The following PTPRD variants were observed in gnomAD, a reference collection of about 807,000 sequenced individuals.
The protein encoded by PTPRD is protein tyrosine phosphatase receptor type D.
Under a neutral mutation model 214.5 loss-of-function variants are expected in PTPRD, and 34 were observed. That is an observed-to-expected ratio of 0.16 (90% CI 0.12 to 0.21). PTPRD has a LOEUF of 0.21. PTPRD is among the 10% of genes least tolerant of loss of function. PTPRD has a pLI of 1.00. For synonymous variants in PTPRD, 1,128 were observed against 845.7 expected (o/e 1.33, Z -5.79); for missense variants, 2,545 against 2,398.7 (o/e 1.06, Z -1.27).
At chr9:8,631,214 C>T (rs1184308551) in intron 14 of PTPRD, among the ~76,000 whole-genome samples, 1 of 151,928 alleles carries the variant, frequency 6.6e-6, no homozygotes. Flanking sequence ...AAGATTCCTG[C>T]CAGTTCTAAA....
In PTPRD at chr9:8,527,235, T is replaced by A. The variant is rs1371975882; in HGVS notation, c.550+110A>T. On this transcript the variant is annotated intron_variant, in intron 16 of 45. Transcript: ENST00000381196. ...GGAGCCACTACAGAGATCTGGTGTC[T>A]ACACTGACAGTTAGTAAAATGCATG... The A allele has an allele frequency of 2.5e-6, 3 of 1,180,482 alleles. No homozygotes were observed. In the East Asian group the frequency reaches 7.5e-5, roughly 29 times the overall value. 73.1% of individuals were successfully genotyped at this position (1,180,482 alleles called of 1,614,324 possible).
chr9:9,862,156 A>G (rs1383312526), intron 5 of PTPRD, among the ~76,000 whole-genome samples: 1 of 152,126 alleles, frequency 6.6e-6, no homozygotes, highest in South Asian at 2.1e-4. Context: ...TTATTCCCAC[A>G]AGCAGTATTA....
intron 11 of PTPRD, among the ~76,000 whole-genome samples, chr9:8,772,979 A>G (rs938686282): frequency 8.6e-5 from 13 of 151,988 alleles, no homozygotes; most frequent in African/African-American, 3.1e-4. Context: ...CCTAAAGTCA[A>G]TTTTTCCCCA....
chr9:8,581,888 G>C (rs1283214696), intron 14 of PTPRD, among the ~76,000 whole-genome samples: 1 of 107,286 alleles, frequency 9.3e-6, no homozygotes, highest in Non-Finnish European at 1.7e-5. Flanking sequence ...ACTCCAGCCT[G>C]GATGACAGAG....
chr9:10,542,723 T>G (rs996071961), intron 2 of PTPRD, among the ~76,000 whole-genome samples: 2 of 152,032 alleles, frequency 1.3e-5, no homozygotes, highest in African/African-American at 4.8e-5. Flanking sequence ...TTAACTAATT[T>G]ATTTATTTTT....
chr9:9,446,523 C>T (rs1031598179), intron 8 of PTPRD, among the ~76,000 whole-genome samples: 4 of 152,152 alleles, frequency 2.6e-5, no homozygotes, highest in African/African-American at 7.2e-5. Context: ...TTCCACACAA[C>T]TGGAACTCTA....
chr9:10,550,792 G>T (rs1253558028), intron 2 of PTPRD, among the ~76,000 whole-genome samples: 1 of 152,172 alleles, frequency 6.6e-6, no homozygotes, highest in African/African-American at 2.4e-5. Context: ...TCTGAAATTG[G>T]TTGGGCAAAA....
intron 7 of PTPRD, among the ~76,000 whole-genome samples, chr9:9,673,791 C>A (rs1043246213): frequency 6.7e-6 from 1 of 150,246 alleles, no homozygotes; most frequent in East Asian, 1.9e-4. Context: ...CCAAAAAGAT[C>A]AGGAAAGACA....
chr9:10,327,687 T>G (rs553512543), intron 3 of PTPRD, among the ~76,000 whole-genome samples: 1 of 151,658 alleles, frequency 6.6e-6, no homozygotes, highest in Admixed American at 6.6e-5. Context: ...TTACAAGAAG[T>G]GCTATTTGAA....
In PTPRD at chr9:10,338,406, T is replaced by C. The variant is rs191797315; in HGVS notation, c.-545+2557A>G. Among the ~76,000 whole-genome samples, 5 of 151,834 alleles carry C rather than the reference T, an allele frequency of 3.3e-5. No homozygotes were observed. The East Asian group carries it at 7.8e-4, about 24-fold the overall frequency. On this transcript the variant is annotated intron_variant, in intron 3 of 45. Transcript: ENST00000381196. ...GATAGTCCTTCCACACGCAGACAAA[T>C]GAAACTGACAAAAGACCTGTCAGTT...
intron 5 of PTPRD, among the ~76,000 whole-genome samples, chr9:9,892,948 G>A (rs950488055): frequency 3.9e-5 from 6 of 152,042 alleles, no homozygotes; most frequent in African/African-American, 1.4e-4. Flanking sequence ...CGTATGTTGG[G>A]AAAATTTGTA....
At chr9:10,199,772 T>C (rs2099412190) in intron 3 of PTPRD, among the ~76,000 whole-genome samples, 2 of 151,986 alleles carry the variant, frequency 1.3e-5, no homozygotes, top group Admixed American at 1.3e-4. Flanking sequence ...CCAGATCATT[T>C]TGCACATTGG....
chr9:10,229,709 G>T (rs2099601940), intron 3 of PTPRD, among the ~76,000 whole-genome samples: 4 of 151,144 alleles, frequency 2.6e-5, no homozygotes, highest in Admixed American at 1.3e-4. Flanking sequence ...TTGTGGGGTG[G>T]GGGGAGGTGG....
intron 2 of PTPRD, among the ~76,000 whole-genome samples, chr9:10,586,260 G>T (rs975438465): frequency 6.6e-6 from 1 of 151,976 alleles, no homozygotes; most frequent in Non-Finnish European, 1.5e-5. Context: ...TAAATGGCAT[G>T]AACTGTGAGG....
At chr9:10,141,319 T>C (rs1351794405) in intron 3 of PTPRD, among the ~76,000 whole-genome samples, 1 of 152,128 alleles carries the variant, frequency 6.6e-6, no homozygotes, top group East Asian at 1.9e-4. Context: ...TTGTCCCTTT[T>C]TGCAGACGAC....
At chr9:8,463,753 T>G (rs1279479846) in intron 32 of PTPRD, among the ~76,000 whole-genome samples, 1 of 151,928 alleles carries the variant, frequency 6.6e-6, no homozygotes, top group Non-Finnish European at 1.5e-5. Flanking sequence ...GACAAAGGAT[T>G]AGGGGATAGC....
At chr9:8,889,247 A>C (rs970271559) in intron 11 of PTPRD, among the ~76,000 whole-genome samples, 1 of 152,104 alleles carries the variant, frequency 6.6e-6, no homozygotes, top group Non-Finnish European at 1.5e-5. Flanking sequence ...GAGATGGTAG[A>C]ATGAGAGTGA....
At chr9:10,224,919 C>T (rs976671334) in intron 3 of PTPRD, among the ~76,000 whole-genome samples, 2 of 152,014 alleles carry the variant, frequency 1.3e-5, no homozygotes, top group African/African-American at 4.8e-5. Context: ...GAATACAGTA[C>T]ATAATACAAA....
chr9:9,486,078 G>C (rs1351553348), intron 8 of PTPRD, among the ~76,000 whole-genome samples: 5 of 143,544 alleles, frequency 3.5e-5, no homozygotes, highest in East Asian at 2.1e-4. Context: ...TTGAATCCAG[G>C]AGGTGGATGT....
Sources: allele counts gnomAD v4.1 joint callset (sites outside exome capture counted in the v4.1 genomes callset), GRCh38; gene constraint gnomAD v4.1.1; transcripts MANE v1.5; gene names NCBI Gene and HGNC (gene_info 2026-07-23, HGNC 2026-07-21).